FAM117B: variants seen among roughly 807,000 people sequenced by gnomAD.
The protein encoded by FAM117B is protein FAM117B.
A neutral mutation model predicts 52.8 loss-of-function variants in FAM117B; 22 were observed. That is an observed-to-expected ratio of 0.42 (90% CI 0.30 to 0.59). The LOEUF (loss-of-function observed/expected upper bound fraction) is 0.59. Among genes scored for constraint, FAM117B ranks in the 20% least tolerant of loss-of-function variants. The pLI is 0.22. For missense variants in FAM117B, 678 were observed against 802.6 expected, an observed-to-expected ratio of 0.84 and a Z score of 1.88; for synonymous variants, 309 against 324.1, an observed-to-expected ratio of 0.95 and a Z score of 0.50.
In FAM117B at chr2:202,726,362, A is replaced by T. The variant is rs764299032; in HGVS notation, c.959A>T (p.Gln320Leu). ...HGNHAAINQCQAPVPKSALIP... is the reference protein window; with the variant it reads ...HGNHAAINQCLAPVPKSALIP... ...AACCATGCAGCTATTAACCAGTGTCAGGTAAGAGTACCAATACCACAAAAT... is the reference window on the plus strand; with the variant it reads ...AACCATGCAGCTATTAACCAGTGTCTGGTAAGAGTACCAATACCACAAAAT... The change falls in exon 4 of 8, where the codon CAG becomes CTG. Residue 320 changes from glutamine (Q) to leucine (L), a missense_variant and splice_region_variant. Physicochemically the swap from Gln to Leu is moderately radical, Grantham distance 113. Around this residue, in one of 3 missense-constraint regions of FAM117B, gnomAD observed 583 missense variants for 644.8 expected, o/e 0.90. Coordinates refer to ENST00000392238, the MANE Select transcript of FAM117B (RefSeq NM_173511.4). The T allele has an allele frequency of 7.5e-6, 12 of 1,602,704 alleles. No individual in the cohort carries two copies.
intron 7 of FAM117B, among the ~76,000 whole-genome samples, chr2:202,760,409 T>G (rs989028781): frequency 1.3e-5 from 2 of 152,336 alleles, no homozygotes; most frequent in East Asian, 3.9e-4. Flanking sequence ...ATGTGGCATC[T>G]CCTTTCACCG....
intron 2 of FAM117B, among the ~76,000 whole-genome samples, chr2:202,719,516 T>A (rs1192413644): frequency 6.6e-6 from 1 of 152,230 alleles, no homozygotes; most frequent in Non-Finnish European, 1.5e-5. Context: ...TGTCTGTATG[T>A]ACAATTATGT....
At chr2:202,643,398 A>C (rs1379906091) in intron 1 of FAM117B, among the ~76,000 whole-genome samples, 1 of 152,150 alleles carries the variant, frequency 6.6e-6, no homozygotes, top group Non-Finnish European at 1.5e-5. Context: ...GGAGGGGAAG[A>C]GGTAAGGGCG....
At chr2:202,757,172 T>C in intron 5 of FAM117B, 41 bp from the exon 6 acceptor site, 2 of 1,574,726 alleles carry the variant, frequency 1.3e-6, no homozygotes, top group South Asian at 2.3e-5. Context: ...TGATTCGAAA[T>C]TAATTATAAA....
At chr2:202,701,547 A>C (rs1690795523) in intron 2 of FAM117B, among the ~76,000 whole-genome samples, 1 of 152,254 alleles carries the variant, frequency 6.6e-6, no homozygotes, top group African/African-American at 2.4e-5. Context: ...ATCTGGGCAA[A>C]GTAAATGGAA....
At position 202,765,444 on chromosome 2, in the gene FAM117B, AG is replaced by A. The variant is rs751840983; in HGVS notation, c.1452del. 6.2e-7 allele frequency: 1 copy of A among 1,612,268 alleles called. No individual in the cohort carries two copies. The highest frequency in any genetic ancestry group is 8.5e-7 in the Non-Finnish European group (1 of 1,179,590). On this transcript the variant is annotated splice_acceptor_variant, in intron 7 of 7. Coordinates refer to ENST00000392238, the MANE Select transcript of FAM117B (RefSeq NM_173511.4). LOFTEE classifies it high-confidence loss of function. The stretch of plus-strand genomic sequence containing the variant: ...GCATTGGGTTGTCTGTTCTATGTCT[AG>A]GCCAAAACAGCTTCATGAAATCCCA...
chr2:202,756,446 A>G (rs560080965), intron 5 of FAM117B, among the ~76,000 whole-genome samples: 2 of 152,316 alleles, frequency 1.3e-5, no homozygotes, highest in South Asian at 4.1e-4. Flanking sequence ...AAACAGAAAA[A>G]TTAACTGTTT....
intron 1 of FAM117B, among the ~76,000 whole-genome samples, chr2:202,684,193 A>T (rs914135850): frequency 1.3e-5 from 2 of 152,114 alleles, no homozygotes; most frequent in Non-Finnish European, 2.9e-5. Context: ...AATATTAGCA[A>T]GTTGAATCCA....
intron 1 of FAM117B, among the ~76,000 whole-genome samples, chr2:202,665,977 C>T (rs1336286012): frequency 6.6e-6 from 1 of 152,204 alleles, no homozygotes; most frequent in African/African-American, 2.4e-5. Flanking sequence ...AACCATTCAT[C>T]CTACTCACTG....
At chr2:202,753,450 A>G (rs984913641) in intron 4 of FAM117B, among the ~76,000 whole-genome samples, 3 of 152,208 alleles carry the variant, frequency 2.0e-5, no homozygotes, top group African/African-American at 7.2e-5. Flanking sequence ...GGACACAGGC[A>G]TGGGCAAAGA....
intron 2 of FAM117B, among the ~76,000 whole-genome samples, chr2:202,710,872 C>T (rs1354381694): frequency 6.6e-6 from 1 of 152,126 alleles, no homozygotes; most frequent in Non-Finnish European, 1.5e-5. Context: ...CATGCTGTTG[C>T]AAATGACAGG....
chr2:202,635,970 C>T (rs1304647637), intron 1 of FAM117B, among the ~76,000 whole-genome samples, 182 bp downstream of exon 1: 3 of 150,176 alleles, frequency 2.0e-5, no homozygotes, highest in Non-Finnish European at 3.0e-5. Context: ...CGGGCCTACC[C>T]TACGCCCCGC....
At chr2:202,642,116 AC>A (rs1360573203) in intron 1 of FAM117B, among the ~76,000 whole-genome samples, 1 of 122,094 alleles carries the variant, frequency 8.2e-6, no homozygotes, top group Non-Finnish European at 1.7e-5. Flanking sequence ...TGATTTTTGT[AC>A]TTTTTTTTTT....
At chr2:202,645,760 C>T (rs1689853011) in intron 1 of FAM117B, among the ~76,000 whole-genome samples, 1 of 151,540 alleles carries the variant, frequency 6.6e-6, no homozygotes, top group African/African-American at 2.4e-5. Flanking sequence ...CGCGCCACCA[C>T]GCCCAGCTAA....
chr2:202,724,827 A>G, intron 2 of FAM117B, 90 bp from the exon 3 acceptor site: 2 of 892,382 alleles, frequency 2.2e-6, no homozygotes, highest in East Asian at 3.0e-5. Flanking sequence ...TTTTTTTGTA[A>G]TGGAAATATG....
chr2:202,741,416 CAAAAAAAAAAAAAAA>C (rs1156278814), intron 4 of FAM117B, among the ~76,000 whole-genome samples: 5 of 34,968 alleles, frequency 1.4e-4, no homozygotes, highest in African/African-American at 5.1e-4. Flanking sequence ...GACTCTGTCT[CAAAAAAAAAAAAAAA>C]AAAAAAAAAA....
intron 1 of FAM117B, among the ~76,000 whole-genome samples, chr2:202,659,237 C>T (rs1690093685): frequency 6.6e-6 from 1 of 152,006 alleles, no homozygotes; most frequent in Non-Finnish European, 1.5e-5. Context: ...AACTCCTGAT[C>T]TCAGGTGATC....
intron 1 of FAM117B, among the ~76,000 whole-genome samples, chr2:202,652,684 A>G (rs1327927839): frequency 1.3e-5 from 2 of 152,202 alleles, no homozygotes; most frequent in Non-Finnish European, 2.9e-5. Flanking sequence ...TCACTTCTAT[A>G]GAAAGCAGAT....
intron 1 of FAM117B, among the ~76,000 whole-genome samples, chr2:202,660,020 C>A (rs1690106657): frequency 1.3e-5 from 2 of 152,140 alleles, no homozygotes; most frequent in South Asian, 4.2e-4. Flanking sequence ...TCTTCTGTCA[C>A]ATTCTGTTAT....
Sources: gnomAD v4.1 joint callset for allele counts (sites outside exome capture counted in the v4.1 genomes callset) on GRCh38, gnomAD v4.1.1 for gene constraint, gnomAD v4.1.1 regional missense constraint, MANE v1.5 for transcripts, NCBI Gene and HGNC (gene_info 2026-07-23, HGNC 2026-07-21) for gene names.